The following MYO9A variants were observed in gnomAD, a reference collection of about 807,000 sequenced individuals.
The protein encoded by MYO9A is myosin IXA.
A neutral mutation model predicts 293.3 loss-of-function variants in MYO9A; 103 were observed. The observed-to-expected ratio is 0.35, with a 90% confidence interval of 0.30 to 0.41. The LOEUF is 0.41. Ranked by LOEUF, MYO9A falls within the 10% of genes least tolerant of loss-of-function variation. The pLI is 1.00. For synonymous variants in MYO9A, 1,001 were observed against 1,035.7 expected (o/e 0.97, Z 0.64); for missense variants, 2,685 against 3,033.0 (o/e 0.89, Z 2.69).
chr15:71,953,923 G>C (rs191476029), intron 14 of MYO9A, among the ~76,000 whole-genome samples: 1 of 148,440 alleles, frequency 6.7e-6, no homozygotes, highest in African/African-American at 2.5e-5. Context: ...TTGAGAGGGA[G>C]TCTCACTCTG....
At chr15:72,005,705 C>T (rs532799911) in intron 8 of MYO9A, among the ~76,000 whole-genome samples, 16 of 152,224 alleles carry the variant, frequency 1.1e-4, no homozygotes, top group Middle Eastern at 3.4e-3. Context: ...AAAAAATAAA[C>T]GCTGGGTGGT....
chr15:71,880,593 T>C (rs905463868), intron 28 of MYO9A, 35 bp from the exon 29 acceptor site: 8 of 1,533,446 alleles, frequency 5.2e-6, no homozygotes, highest in Non-Finnish European at 7.1e-6. Context: ...AAAGGACACA[T>C]TTAGTAAATA....
intron 39 of MYO9A, among the ~76,000 whole-genome samples, chr15:71,834,366 AAAG>A (rs1272452159): frequency 3.9e-5 from 6 of 152,308 alleles, no homozygotes; most frequent in African/African-American, 7.2e-5. Context: ...TTTCAGTGGC[AAAG>A]AAGAAGAAAT....
chr15:72,020,434 G>A (rs2077470154), intron 5 of MYO9A, among the ~76,000 whole-genome samples: 1 of 152,124 alleles, frequency 6.6e-6, no homozygotes, highest in Non-Finnish European at 1.5e-5. Context: ...GAATATTTAA[G>A]AAGATTGTTC....
At chr15:71,866,796 C>T (rs745589049) in intron 32 of MYO9A, among the ~76,000 whole-genome samples, 36 of 152,224 alleles carry the variant, frequency 2.4e-4, no homozygotes, top group East Asian at 7.7e-4. Flanking sequence ...CAGTGGCTCA[C>T]GCCTGTAATC....
intron 18 of MYO9A, among the ~76,000 whole-genome samples, chr15:71,923,540 G>A (rs954199678): frequency 1.3e-5 from 2 of 152,164 alleles, no homozygotes; most frequent in African/African-American, 4.8e-5. Flanking sequence ...TGAACTCAGA[G>A]TTGTTACTGG....
chr15:72,016,003 G>A (rs1421966326), intron 6 of MYO9A, among the ~76,000 whole-genome samples: 1 of 151,844 alleles, frequency 6.6e-6, no homozygotes, highest in Non-Finnish European at 1.5e-5. Flanking sequence ...TCAGCTTTAA[G>A]GTACAATGGC....
At chr15:71,977,975 T>G (rs1331541396) in intron 12 of MYO9A, among the ~76,000 whole-genome samples, 196 bp downstream of exon 12, 3 of 152,126 alleles carry the variant, frequency 2.0e-5, no homozygotes, top group Non-Finnish European at 4.4e-5. Context: ...AGGTGGAGGT[T>G]GCAATGAGCC....
chr15:71,970,006 T>TATTTACAAGGTAATTCTCAGGCAAG (rs2075971016), intron 12 of MYO9A, among the ~76,000 whole-genome samples: 1 of 152,200 alleles, frequency 6.6e-6, no homozygotes, highest in Non-Finnish European at 1.5e-5. Context: ...GCATCAGTGG[T>TATTTACAAGGTAATTCTCAGGCAAG]ATTTACAAAG....
At chr15:71,926,035 T>A (rs1318622407) in intron 18 of MYO9A, among the ~76,000 whole-genome samples, 1 of 152,174 alleles carries the variant, frequency 6.6e-6, no homozygotes, top group Non-Finnish European at 1.5e-5. Context: ...TAAGAAGACA[T>A]TTTCTGTAGA....
At chr15:71,923,595 T>C (rs904091540) in intron 18 of MYO9A, among the ~76,000 whole-genome samples, 1 of 152,174 alleles carries the variant, frequency 6.6e-6, no homozygotes, top group Non-Finnish European at 1.5e-5. Context: ...GTAGGTTGTA[T>C]GTGACTAGGA....
chr15:72,112,051 T>C (rs2080798122), intron 1 of MYO9A, among the ~76,000 whole-genome samples: 1 of 152,068 alleles, frequency 6.6e-6, no homozygotes, highest in South Asian at 2.1e-4. Flanking sequence ...ATCCATATTC[T>C]CTCCACTTAA....
intron 3 of MYO9A, among the ~76,000 whole-genome samples, chr15:72,030,586 C>T (rs2077831859): frequency 6.6e-6 from 1 of 151,894 alleles, no homozygotes; most frequent in Non-Finnish European, 1.5e-5. Flanking sequence ...GTCTCCCAGA[C>T]GATCACAGCT....
chr15:71,974,875 G>A (rs1285145393), intron 12 of MYO9A, among the ~76,000 whole-genome samples: 2 of 152,178 alleles, frequency 1.3e-5, no homozygotes, highest in African/African-American at 4.8e-5. Flanking sequence ...AATTCTTAAT[G>A]TGCCTTCCAA....
chr15:71,986,822 T>C (rs2076418713), intron 11 of MYO9A, among the ~76,000 whole-genome samples: 1 of 152,140 alleles, frequency 6.6e-6, no homozygotes. Flanking sequence ...CAGGTTAATT[T>C]ATTACAAAAA....
chr15:71,963,708 T>C (rs2075802862), intron 13 of MYO9A, among the ~76,000 whole-genome samples: 1 of 152,214 alleles, frequency 6.6e-6, no homozygotes, highest in South Asian at 2.1e-4. Flanking sequence ...TGCCTTGGCC[T>C]CCCAAAGTGC....
At chr15:72,043,131 G>C (rs1225689713) in intron 2 of MYO9A, among the ~76,000 whole-genome samples, 2 of 151,760 alleles carry the variant, frequency 1.3e-5, no homozygotes, top group Non-Finnish European at 2.9e-5. Flanking sequence ...GGTTGCAGAA[G>C]ATAAGGTCAA....
intron 1 of MYO9A, among the ~76,000 whole-genome samples, chr15:72,086,071 A>G (rs1409519075): frequency 2.0e-5 from 3 of 152,158 alleles, no homozygotes; most frequent in Non-Finnish European, 4.4e-5. Context: ...GGGTGGTGCC[A>G]AAGAGTTTTG....
At chr15:72,104,834 C>G (rs2080511065) in intron 1 of MYO9A, among the ~76,000 whole-genome samples, 1 of 151,364 alleles carries the variant, frequency 6.6e-6, no homozygotes, top group South Asian at 2.1e-4. Flanking sequence ...AGATTTAAGA[C>G]AAAAAAAGAG....
Sources: allele counts gnomAD v4.1 joint callset (sites outside exome capture counted in the v4.1 genomes callset), GRCh38; gene constraint gnomAD v4.1.1; transcripts MANE v1.5; gene names NCBI Gene and HGNC (gene_info 2026-07-23, HGNC 2026-07-21).